NTNG1: variants seen among roughly 807,000 people sequenced by gnomAD.
NTNG1 encodes netrin-G1.
In NTNG1, 16 loss-of-function variants were observed where a neutral mutation model predicts 54.0. That is an observed-to-expected ratio of 0.30 (90% CI 0.20 to 0.45). NTNG1 has a LOEUF of 0.45. Ranked by LOEUF, NTNG1 falls within the 20% of genes least tolerant of loss-of-function variation. The pLI, the probability that NTNG1 is intolerant of heterozygous loss-of-function variation, is 1.00. For synonymous variants in NTNG1, 255 were observed against 263.1 expected (o/e 0.97, Z 0.30); for missense variants, 530 against 678.7 (o/e 0.78, Z 2.43).
At chr1:107,157,358 A>C (rs1655076421) in intron 2 of NTNG1, among the ~76,000 whole-genome samples, 2 of 152,140 alleles carry the variant, frequency 1.3e-5, no homozygotes, top group East Asian at 1.9e-4. Context: ...TTTACACTCT[A>C]AGGTTCTTGA....
intron 2 of NTNG1, among the ~76,000 whole-genome samples, chr1:107,228,337 C>T (rs529155988): frequency 3.3e-5 from 5 of 152,132 alleles, no homozygotes; most frequent in Non-Finnish European, 7.4e-5. Flanking sequence ...TGAGGTCAGA[C>T]TCAACTGTTA....
chr1:107,163,965 T>C (rs1292482105), intron 2 of NTNG1, among the ~76,000 whole-genome samples: 2 of 152,172 alleles, frequency 1.3e-5, no homozygotes, highest in Non-Finnish European at 2.9e-5. Context: ...ATCCATATTA[T>C]CCCCTTCCTC....
At chr1:107,359,329 G>A (rs1050907434) in intron 3 of NTNG1, among the ~76,000 whole-genome samples, 1 of 152,166 alleles carries the variant, frequency 6.6e-6, no homozygotes, top group Non-Finnish European at 1.5e-5. Flanking sequence ...TGATTGCAGA[G>A]AAATATAAAT....
At chr1:107,354,468 CAAAAAAAAAAA>C (rs398049560) in intron 3 of NTNG1, among the ~76,000 whole-genome samples, 25 of 66,126 alleles carry the variant, frequency 3.8e-4, no homozygotes, top group African/African-American at 1.5e-3. Flanking sequence ...GACTCCATCT[CAAAAAAAAAAA>C]AAAAAAAAAA....
intron 4 of NTNG1, among the ~76,000 whole-genome samples, chr1:107,397,214 T>C (rs1229978302): frequency 1.3e-5 from 2 of 152,176 alleles, no homozygotes; most frequent in African/African-American, 2.4e-5. Flanking sequence ...TTTTTCCTCA[T>C]TGATGTTAAA....
chr1:107,457,036 C>A (rs1301972165), intron 7 of NTNG1, among the ~76,000 whole-genome samples: 1 of 152,210 alleles, frequency 6.6e-6, no homozygotes, highest in African/African-American at 2.4e-5. Context: ...ATGATTATAA[C>A]CACTAGTACA....
chr1:107,439,574 C>G (rs2166018), intron 7 of NTNG1, among the ~76,000 whole-genome samples: 4 of 152,020 alleles, frequency 2.6e-5, no homozygotes, highest in Non-Finnish European at 5.9e-5. Flanking sequence ...AATTTAACAT[C>G]GTCCAAACAC....
At chr1:107,143,332 A>C (rs922742769) in intron 1 of NTNG1, 3 of 152,294 alleles carry the variant, frequency 2.0e-5, no homozygotes, top group South Asian at 2.1e-4. Context: ...GGAGGAGGCA[A>C]ATGTATTTTG....
At chr1:107,342,260 AAT>A in intron 3 of NTNG1, among the ~76,000 whole-genome samples, 1 of 152,078 alleles carries the variant, frequency 6.6e-6, no homozygotes, top group Non-Finnish European at 1.5e-5. Flanking sequence ...CTGACATAAA[AAT>A]ATGTTAGCCC....
At chr1:107,282,349 A>C (rs1664917031) in intron 2 of NTNG1, among the ~76,000 whole-genome samples, 1 of 152,018 alleles carries the variant, frequency 6.6e-6, no homozygotes. Context: ...TCTAATTAAC[A>C]CCCTGGGATC....
chr1:107,177,316 C>T (rs1390216749), intron 2 of NTNG1, among the ~76,000 whole-genome samples: 1 of 151,980 alleles, frequency 6.6e-6, no homozygotes, highest in East Asian at 1.9e-4. Context: ...CTTCTCCCCA[C>T]TCTCATGTCT....
At chr1:107,369,552 G>T (rs1183889653) in intron 3 of NTNG1, among the ~76,000 whole-genome samples, 5 of 152,076 alleles carry the variant, frequency 3.3e-5, no homozygotes, top group Admixed American at 3.3e-4. Flanking sequence ...TCTTGGTGAA[G>T]TGTCAGTTCA....
chr1:107,452,525 G>C (rs150900728), intron 7 of NTNG1, among the ~76,000 whole-genome samples: 4 of 152,298 alleles, frequency 2.6e-5, no homozygotes, highest in African/African-American at 9.6e-5. Context: ...CTACAGGGAG[G>C]TGTTTGGGTC....
intron 2 of NTNG1, among the ~76,000 whole-genome samples, chr1:107,303,820 G>A: frequency 6.6e-6 from 1 of 152,062 alleles, no homozygotes; most frequent in East Asian, 1.9e-4. Context: ...CGGAGTAGCT[G>A]GGACTACAGG....
At chr1:107,296,192 C>G (rs1570610233) in intron 2 of NTNG1, among the ~76,000 whole-genome samples, 1 of 152,194 alleles carries the variant, frequency 6.6e-6, no homozygotes, top group South Asian at 2.1e-4. Flanking sequence ...ACCAATATTC[C>G]AAAAGGGAAC....
intron 2 of NTNG1, among the ~76,000 whole-genome samples, chr1:107,256,633 GAT>G (rs1206230754): frequency 1.3e-5 from 2 of 152,202 alleles, no homozygotes; most frequent in Non-Finnish European, 2.9e-5. Context: ...TGTTCAGGCA[GAT>G]AATGCCGCAT....
chr1:107,477,343 G>T (rs796211113), intron 7 of NTNG1, among the ~76,000 whole-genome samples: 8 of 152,318 alleles, frequency 5.3e-5, no homozygotes, highest in African/African-American at 1.7e-4. Context: ...GTGAAGGGCC[G>T]TTGCTGGGCA....
chr1:107,303,360 A>C lies in NTNG1; in HGVS notation c.247-20922A>C, dbSNP rs185288268. 1.2e-3 allele frequency among the ~76,000 whole-genome samples: 190 copies of C among 152,336 alleles called. 1 individual carries two copies. Among genetic ancestry groups the C allele is most frequent in the African/African-American group, 4.4e-3 (185 of 41,580 alleles). The stretch of plus-strand genomic sequence containing the variant: ...ATGAGATTAGAAAGTGAGGAATAAA[A>C]GAGACATTTATCCAATAATCTTAGC... On this transcript the variant is annotated intron_variant, in intron 2 of 7. Coordinates refer to ENST00000370068, the MANE Select transcript of NTNG1 (RefSeq NM_001113226.3).
At chr1:107,245,845 A>G (rs1266426048) in intron 2 of NTNG1, among the ~76,000 whole-genome samples, 1 of 152,182 alleles carries the variant, frequency 6.6e-6, no homozygotes, top group Non-Finnish European at 1.5e-5. Context: ...TACCTATCCC[A>G]AAAATTGTTC....
Sources: allele counts gnomAD v4.1 joint callset (sites outside exome capture counted in the v4.1 genomes callset), GRCh38; gene constraint gnomAD v4.1.1; transcripts MANE v1.5; gene names NCBI Gene and HGNC (gene_info 2026-07-23, HGNC 2026-07-21).